SH3GL2: variants seen among roughly 807,000 people sequenced by gnomAD.
SH3GL2 encodes the protein SH3 domain containing GRB2 like 2, endophilin A1, also known as endophilin-A1.
SH3GL2 carries 24 observed loss-of-function variants against 46.0 expected under a neutral mutation model. That is an observed-to-expected ratio of 0.52 (90% confidence interval 0.38 to 0.73). The LOEUF is 0.73. Ranked by LOEUF, SH3GL2 falls within the 30% of genes least tolerant of loss-of-function variation. The pLI is 0.00. For missense variants in SH3GL2, 413 were observed against 424.2 expected, an observed-to-expected ratio of 0.97 and a Z score of 0.23; for synonymous variants, 196 against 147.1, an observed-to-expected ratio of 1.33 and a Z score of -2.40.
intron 7 of SH3GL2, 29 bp from the exon 8 acceptor site, chr9:17,793,338 C>A (rs755821882): frequency 3.1e-6 from 5 of 1,595,930 alleles, no homozygotes; most frequent in East Asian, 2.3e-5. Flanking sequence ...GGTTACATAA[C>A]CTTTCCACCA....
At chr9:17,583,255 T>A (rs1818311249) in intron 1 of SH3GL2, among the ~76,000 whole-genome samples, 1 of 152,202 alleles carries the variant, frequency 6.6e-6, no homozygotes, top group Non-Finnish European at 1.5e-5. Context: ...TTGGTTAGTA[T>A]ATTGCTAAGT....
intron 1 of SH3GL2, among the ~76,000 whole-genome samples, chr9:17,600,721 G>A (rs1818654746): frequency 1.3e-5 from 2 of 152,112 alleles, no homozygotes; most frequent in Admixed American, 6.5e-5. Flanking sequence ...TAGTTTTTGT[G>A]GGGAATGGAC....
chr9:17,699,339 A>C (rs1230794464), intron 1 of SH3GL2, among the ~76,000 whole-genome samples: 1 of 152,118 alleles, frequency 6.6e-6, no homozygotes, highest in Non-Finnish European at 1.5e-5. Flanking sequence ...TGAAGGAAAC[A>C]AGCAGTCACA....
intron 3 of SH3GL2, among the ~76,000 whole-genome samples, chr9:17,784,233 C>T (rs1390068716): frequency 6.6e-6 from 1 of 152,068 alleles, no homozygotes; most frequent in East Asian, 1.9e-4. Flanking sequence ...GAATAAAGCT[C>T]TTCATAATTG....
At chr9:17,628,634 T>G (rs1482675759) in intron 1 of SH3GL2, among the ~76,000 whole-genome samples, 1 of 152,110 alleles carries the variant, frequency 6.6e-6, no homozygotes, top group Non-Finnish European at 1.5e-5. Flanking sequence ...CTTTTTTTTC[T>G]TCTTTTTAAT....
intron 3 of SH3GL2, among the ~76,000 whole-genome samples, chr9:17,765,877 G>A (rs1024526825): frequency 6.6e-6 from 1 of 152,158 alleles, no homozygotes; most frequent in Non-Finnish European, 1.5e-5. Flanking sequence ...CAGCCAACAG[G>A]CACTGGGATA....
chr9:17,653,286 A>AT (rs1196493553), intron 1 of SH3GL2, among the ~76,000 whole-genome samples: 3 of 151,518 alleles, frequency 2.0e-5, no homozygotes, highest in Admixed American at 6.6e-5. Flanking sequence ...CAGATGTCTT[A>AT]TTTTTTTCCC....
chr9:17,671,345 T>C lies in SH3GL2; in HGVS notation c.46-75721T>C, dbSNP rs115155503. ...GTTAAATATATTTTCTAAAATTCTA[T>C]ATTTAAGAATCAGAAAGTTACTGGA... On this transcript the variant is annotated intron_variant, in intron 1 of 8. Coordinates refer to ENST00000380607, the MANE Select transcript of SH3GL2 (RefSeq NM_003026.5). Among the ~76,000 whole-genome samples the C allele has an allele frequency of 4.4e-3, 677 of 152,296 alleles. 4 individuals carry two copies. The highest frequency in any genetic ancestry group is 0.016 in the African/African-American group (650 of 41,570).
rs73645115 is a variant in SH3GL2, at chr9:17,656,641, T to C, written c.45+77354T>C. On this transcript the variant is annotated intron_variant, in intron 1 of 8. Coordinates refer to ENST00000380607, the MANE Select transcript of SH3GL2 (RefSeq NM_003026.5). ...AACTGCCAGTGGTAGCTGTTGAAATTATATTCAGATCTATTGAGGAGCATG... is the reference window on the plus strand; with the variant it reads ...AACTGCCAGTGGTAGCTGTTGAAATCATATTCAGATCTATTGAGGAGCATG... Among the ~76,000 whole-genome samples the C allele has an allele frequency of 1.9e-3, 295 of 152,132 alleles. 1 individual carries two copies. Among genetic ancestry groups the C allele is most frequent in the African/African-American group, 6.6e-3 (276 of 41,526 alleles).
chr9:17,623,199 G>C (rs373850072), intron 1 of SH3GL2, among the ~76,000 whole-genome samples: 1 of 151,766 alleles, frequency 6.6e-6, no homozygotes, highest in Admixed American at 6.6e-5. Context: ...CCCTTTAGTG[G>C]TTAAGGGTGA....
Position 17,770,979 on chromosome 9 carries a change from C to G in SH3GL2, c.187+9470C>G, listed in dbSNP as rs575525712. 2.5e-3 allele frequency among the ~76,000 whole-genome samples: 377 copies of G among 152,304 alleles called. 1 individual carries two copies. The highest frequency in any genetic ancestry group is 4.1e-3 in the Non-Finnish European group (278 of 68,024). On this transcript the variant is annotated intron_variant, in intron 3 of 8. Coordinates refer to ENST00000380607, the MANE Select transcript of SH3GL2 (RefSeq NM_003026.5). ...CTGGCGAGACCCTGAGCATAGGACT[C>G]AATTTAGGCATGCCCAGACTTACTT...
chr9:17,750,195 C>G (rs1822804341), intron 2 of SH3GL2, among the ~76,000 whole-genome samples: 1 of 152,060 alleles, frequency 6.6e-6, no homozygotes, highest in African/African-American at 2.4e-5. Context: ...ATTGATTATT[C>G]ACACAAATGT....
chr9:17,761,945 C>T (rs1048403916), intron 3 of SH3GL2, among the ~76,000 whole-genome samples: 5 of 152,120 alleles, frequency 3.3e-5, no homozygotes, highest in African/African-American at 1.2e-4. Flanking sequence ...AGGGCATCAC[C>T]AAAGTCTTCA....
At position 17,795,934 on chromosome 9, in the gene SH3GL2, T is replaced by G; in HGVS notation, c.*191T>G. 1 of 575,250 alleles carries G rather than the reference T, an allele frequency of 1.7e-6. No individual in the cohort carries two copies. Among genetic ancestry groups the G allele is most frequent in the Non-Finnish European group, 3.1e-6 (1 of 323,008 alleles). The allele number at this position is 575,250 out of a possible 1,614,324, so 35.6% of individuals were successfully genotyped here. A position where few individuals can be genotyped will look rare whatever the true frequency, so the allele number is the denominator to read the frequency against. The stretch of plus-strand genomic sequence containing the variant: ...GGTGATGGATGATATCCTCTTAGCC[T>G]GGTGGGCGTGGCATGTGCTTTTTAA... On this transcript the variant is annotated 3_prime_UTR_variant, in exon 9 of 9. Coordinates refer to ENST00000380607, the MANE Select transcript of SH3GL2 (RefSeq NM_003026.5).
In SH3GL2 at chr9:17,789,487, A is replaced by G. The variant is rs373146511; in HGVS notation, c.561A>G (p.Leu187=). 1 of 1,613,158 alleles carries G rather than the reference A, an allele frequency of 6.2e-7. No individual in the cohort carries two copies. The highest frequency in any genetic ancestry group is 8.5e-7 in the Non-Finnish European group (1 of 1,179,336). ...CGGATGAAGAGCTTCGTCAAGCTCTAGAGAAATTTGATGAGTCTAAGGAAA... is the reference window on the plus strand; with the variant it reads ...CGGATGAAGAGCTTCGTCAAGCTCTGGAGAAATTTGATGAGTCTAAGGAAA... ...KIPDEELRQA[L]EKFDESKEIA... The change falls in exon 6 of 9, where the codon CTA becomes CTG. Residue 187 remains leucine (L), a synonymous_variant. Transcript: ENST00000380607.
intron 1 of SH3GL2, among the ~76,000 whole-genome samples, chr9:17,723,552 T>G (rs970359186): frequency 1.3e-5 from 2 of 152,140 alleles, no homozygotes; most frequent in African/African-American, 2.4e-5. Context: ...TCTCCTAAAC[T>G]TTCAAACTGT....
At chr9:17,635,689 A>T (rs747087665) in intron 1 of SH3GL2, among the ~76,000 whole-genome samples, 1 of 152,180 alleles carries the variant, frequency 6.6e-6, no homozygotes, top group African/African-American at 2.4e-5. Context: ...CTGAGTGTAC[A>T]CAACAGAGGA....
At chr9:17,701,742 A>T (rs1400306225) in intron 1 of SH3GL2, among the ~76,000 whole-genome samples, 1 of 152,066 alleles carries the variant, frequency 6.6e-6, no homozygotes, top group Non-Finnish European at 1.5e-5. Context: ...CCTAGCTATA[A>T]ATGATATAAT....
At chr9:17,653,935 G>T in intron 1 of SH3GL2, 1 of 715,450 alleles carries the variant, frequency 1.4e-6, no homozygotes, top group Non-Finnish European at 1.7e-6. Flanking sequence ...TGTAACAAAA[G>T]AAATGACTAG....
Sources: allele counts gnomAD v4.1 joint callset (sites outside exome capture counted in the v4.1 genomes callset), GRCh38; gene constraint gnomAD v4.1.1; transcripts MANE v1.5; gene names NCBI Gene and HGNC (gene_info 2026-07-23, HGNC 2026-07-21).